RPAP2: variants seen among roughly 807,000 people sequenced by gnomAD.
RPAP2 encodes putative RNA polymerase II subunit B1 CTD phosphatase RPAP2.
A neutral mutation model predicts 73.1 loss-of-function variants in RPAP2; 52 were observed. That is an observed-to-expected ratio of 0.71 (90% confidence interval 0.57 to 0.90). RPAP2 has a LOEUF of 0.90. Among genes scored for constraint, RPAP2 ranks in the 40% least tolerant of loss-of-function variants. RPAP2 has a pLI of 0.00. For missense variants in RPAP2, 598 were observed against 701.8 expected (o/e 0.85, Z 1.67); for synonymous variants, 225 against 242.1 (o/e 0.93, Z 0.65).
intron 11 of RPAP2, 109 bp downstream of exon 11, chr1:92,346,023 C>T: frequency 1.5e-6 from 1 of 689,180 alleles, no homozygotes; most frequent in South Asian, 2.1e-5. Context: ...AAATATCATA[C>T]CTCTATTTTG....
At chr1:92,367,582 A>C (rs1160831333) in intron 11 of RPAP2, among the ~76,000 whole-genome samples, 1 of 152,204 alleles carries the variant, frequency 6.6e-6, no homozygotes, top group African/African-American at 2.4e-5. Flanking sequence ...CAGTCTTTAC[A>C]TCTTCATCAC....
At position 92,313,297 on chromosome 1, in the gene RPAP2, A is replaced by G. The variant is rs1008784777; in HGVS notation, c.488+6021A>G. Among the ~76,000 whole-genome samples, 3 of 152,194 alleles carry G rather than the reference A, an allele frequency of 2.0e-5. 1 individual carries two copies. The highest frequency in any genetic ancestry group is 4.4e-5 in the Non-Finnish European group (3 of 68,034). ...TAGGAAATGTATGTCTTAAGACTTGAAAGTTGAAATTACTCCTTGACCCAT... is the reference window on the plus strand; with the variant it reads ...TAGGAAATGTATGTCTTAAGACTTGGAAGTTGAAATTACTCCTTGACCCAT... On this transcript the variant is annotated intron_variant, in intron 6 of 12. Coordinates refer to ENST00000610020, the MANE Select transcript of RPAP2 (RefSeq NM_024813.3).
chr1:92,337,605 A>T (rs1414918071), intron 10 of RPAP2, among the ~76,000 whole-genome samples: 1 of 152,148 alleles, frequency 6.6e-6, no homozygotes, highest in African/African-American at 2.4e-5. Context: ...ACATTCTTCT[A>T]GAGTCTTCTG....
intron 10 of RPAP2, among the ~76,000 whole-genome samples, chr1:92,343,418 A>T (rs1182678031): frequency 6.6e-6 from 1 of 152,202 alleles, no homozygotes; most frequent in Admixed American, 6.5e-5. Flanking sequence ...CTGAGGACAG[A>T]TCTGGATATT....
At chr1:92,379,519 T>C (rs1429331381) in intron 11 of RPAP2, among the ~76,000 whole-genome samples, 2 of 152,230 alleles carry the variant, frequency 1.3e-5, no homozygotes, top group Non-Finnish European at 2.9e-5. Flanking sequence ...TAAAATTCCA[T>C]TGTGCAGAGT....
At chr1:92,314,383 T>C (rs376450876) in intron 6 of RPAP2, among the ~76,000 whole-genome samples, 11 of 152,076 alleles carry the variant, frequency 7.2e-5, no homozygotes, top group Admixed American at 6.5e-4. Context: ...TAGTGCATTT[T>C]ATTTATTCTA....
At chr1:92,367,244 C>CGT (rs1654969506) in intron 11 of RPAP2, among the ~76,000 whole-genome samples, 2 of 152,138 alleles carry the variant, frequency 1.3e-5, no homozygotes, top group Non-Finnish European at 2.9e-5. Flanking sequence ...CAAATATAAC[C>CGT]GTATAGCCTC....
At chr1:92,375,999 CAAAA>C (rs1234687722) in intron 11 of RPAP2, among the ~76,000 whole-genome samples, 3 of 65,274 alleles carry the variant, frequency 4.6e-5, no homozygotes. Context: ...GACTCTGTCT[CAAAA>C]AAAAAAAAAA....
In RPAP2 at chr1:92,345,400, A is replaced by G. The variant is rs1454258314; in HGVS notation, c.1620-446A>G. On this transcript the variant is annotated intron_variant, in intron 10 of 12. Transcript: ENST00000610020. ...TCTTTAAAAAAAAAAAAAAAAAAAAAAGAGAGAGAGAGAAGAAAGAAAGAG... is the reference window on the plus strand; with the variant it reads ...TCTTTAAAAAAAAAAAAAAAAAAAAGAGAGAGAGAGAGAAGAAAGAAAGAG... Among the ~76,000 whole-genome samples, 762 of 138,258 alleles carry G rather than the reference A, an allele frequency of 5.5e-3. 14 individuals carry two copies. The highest frequency in any genetic ancestry group is 0.025 in the Middle Eastern group (7 of 284). 90.7% of individuals were successfully genotyped at this position (138,258 alleles called of 152,430 possible). A position where few individuals can be genotyped will look rare whatever the true frequency, so the allele number is the denominator to read the frequency against.
At chr1:92,367,149 G>A (rs1654966086) in intron 11 of RPAP2, among the ~76,000 whole-genome samples, 2 of 152,148 alleles carry the variant, frequency 1.3e-5, no homozygotes, top group Admixed American at 6.6e-5. Context: ...CATCTCCAAA[G>A]CTTCAGGTAC....
intron 7 of RPAP2, among the ~76,000 whole-genome samples, chr1:92,321,300 G>C (rs903923222): frequency 5.9e-5 from 9 of 152,080 alleles, no homozygotes; most frequent in African/African-American, 2.2e-4. Flanking sequence ...AAGTTAAATT[G>C]TTCTAATTTT....
chr1:92,299,289 C>T (rs989522765), intron 1 of RPAP2, 143 bp downstream of exon 1: 26 of 457,548 alleles, frequency 5.7e-5, no homozygotes, highest in Non-Finnish European at 1.0e-4. Context: ...AAGCTTCCCA[C>T]CGCCGTCCGC....
chr1:92,335,367 A>G (rs1409067872), intron 9 of RPAP2, among the ~76,000 whole-genome samples: 2 of 152,188 alleles, frequency 1.3e-5, no homozygotes, highest in African/African-American at 4.8e-5. Context: ...TTTTTATACT[A>G]TCACACTGGT....
intron 6 of RPAP2, among the ~76,000 whole-genome samples, chr1:92,307,819 A>G (rs1459539532): frequency 6.6e-6 from 1 of 152,106 alleles, no homozygotes; most frequent in African/African-American, 2.4e-5. Flanking sequence ...CTAGATGCTA[A>G]AGTCAAGAAA....
In RPAP2 at chr1:92,324,223, C is replaced by T; in HGVS notation, c.1303C>T (p.Pro435Ser). 1.2e-6 allele frequency: 2 copies of T among 1,614,102 alleles called. No individual in the cohort carries two copies. The highest frequency in any genetic ancestry group is 1.7e-6 in the Non-Finnish European group (2 of 1,179,990). The part of the protein sequence containing the change: ...ESQNSLDESL[P>S]FRGSGTAIKP... ...TCAGAACAGCTTGGATGAGTCTTTA[C>T]CTTTTAGGGGCTCAGGTACAGCCAT... Residue 435 changes from proline (P) to serine (S), a missense_variant, in exon 8 of 13, where the codon CCT (proline) becomes TCT (serine). Coordinates refer to ENST00000610020, the MANE Select transcript of RPAP2 (RefSeq NM_024813.3).
chr1:92,332,753 T>C (rs1653048321), intron 8 of RPAP2, among the ~76,000 whole-genome samples: 1 of 152,118 alleles, frequency 6.6e-6, no homozygotes, highest in African/African-American at 2.4e-5. Flanking sequence ...ACCCCTGCCT[T>C]CTTGAAGGAT....
chr1:92,302,537 A>G (rs868349249), intron 3 of RPAP2, among the ~76,000 whole-genome samples: 14 of 151,216 alleles, frequency 9.3e-5, no homozygotes, highest in South Asian at 2.1e-4. Flanking sequence ...AAAACCTGAA[A>G]TACAGCTCAT....
chr1:92,384,988 T>G (rs1291491193), intron 12 of RPAP2, among the ~76,000 whole-genome samples: 1 of 151,128 alleles, frequency 6.6e-6, no homozygotes, highest in Non-Finnish European at 1.5e-5. Flanking sequence ...TTTGTAGAGA[T>G]CCTGTCTCTA....
intron 11 of RPAP2, among the ~76,000 whole-genome samples, chr1:92,367,615 A>T (rs1426388924): frequency 6.6e-6 from 1 of 152,256 alleles, no homozygotes; most frequent in African/African-American, 2.4e-5. Context: ...TAATCAGCAG[A>T]ACAGGTCTCC....
Sources: allele counts gnomAD v4.1 joint callset (sites outside exome capture counted in the v4.1 genomes callset), GRCh38; gene constraint gnomAD v4.1.1; transcripts MANE v1.5; gene names NCBI Gene and HGNC (gene_info 2026-07-23, HGNC 2026-07-21).